Variants in RBM44 observed in about 807,000 individuals in gnomAD.
RBM44 encodes the protein RNA binding motif protein 44, also known as RNA-binding protein 44.
A neutral mutation model predicts 105.1 loss-of-function variants in RBM44; 66 were observed. The ratio of observed to expected loss-of-function variants is 0.63; its 90% CI spans 0.52 to 0.77. The LOEUF (loss-of-function observed/expected upper bound fraction) is 0.77, where lower values mean the gene tolerates loss of function less well. Among genes scored for constraint, RBM44 ranks in the 30% least tolerant of loss-of-function variants. The pLI, the probability that RBM44 is intolerant of heterozygous loss-of-function variation, is 0.00. For missense variants in RBM44, 1,122 were observed against 1,207.8 expected, an observed-to-expected ratio of 0.93 and a Z score of 1.05; for synonymous variants, 365 against 417.6, an observed-to-expected ratio of 0.87 and a Z score of 1.54.
chr2:237,838,597 A>C (rs996910517), intron 15 of RBM44, among the ~76,000 whole-genome samples: 11 of 152,194 alleles, frequency 7.2e-5, no homozygotes, highest in Admixed American at 1.3e-4. Context: ...ATTCTTACTA[A>C]ACACCTTGCA....
rs989122036 is a variant in RBM44 at position 237,842,794 on chromosome 2, A to T, written c.*978A>T. On this transcript the variant is annotated 3_prime_UTR_variant, in exon 16 of 16. Coordinates refer to ENST00000316997, the MANE Select transcript of RBM44 (RefSeq NM_001080504.3). Reference sequence around the variant, plus strand: ...TGTTGTATTTATATTTAATAAAGGCATCTAATCTTTAGTACCACTGTGAAT... The same window carrying T: ...TGTTGTATTTATATTTAATAAAGGCTTCTAATCTTTAGTACCACTGTGAAT... 6.6e-6 allele frequency: 1 copy of T among 152,090 alleles called. No homozygotes were observed. The highest frequency in any genetic ancestry group is 1.5e-5 in the Non-Finnish European group (1 of 67,966). The allele number at this position is 152,090 out of a possible 1,614,324, so 9.4% of individuals were successfully genotyped here. A position where few individuals can be genotyped will look rare whatever the true frequency, so the allele number is the denominator to read the frequency against.
chr2:237,820,938 C>A, intron 5 of RBM44, 133 bp from the exon 6 acceptor site: 1 of 612,172 alleles, frequency 1.6e-6, no homozygotes, highest in Non-Finnish European at 2.7e-6. Context: ...GTAGTCCTAG[C>A]AACTTGCGAG....
intron 15 of RBM44, among the ~76,000 whole-genome samples, chr2:237,837,121 ACTC>A (rs1000211012): frequency 6.6e-6 from 1 of 152,144 alleles, no homozygotes; most frequent in African/African-American, 2.4e-5. Flanking sequence ...GAGACCTACT[ACTC>A]AGAAAAAAAA....
intron 5 of RBM44, 139 bp downstream of exon 5, chr2:237,820,490 G>A (rs1010682525): frequency 3.7e-6 from 2 of 542,804 alleles, no homozygotes; most frequent in Non-Finnish European, 6.4e-6. Flanking sequence ...GTTAGCCTAA[G>A]GGTAATAGAA....
intron 2 of RBM44, 54 bp from the exon 3 acceptor site, chr2:237,816,939 A>G: frequency 1.8e-6 from 2 of 1,097,402 alleles, no homozygotes; most frequent in Non-Finnish European, 1.3e-6. Context: ...AGGTTTTTCT[A>G]GTGTCTAGAT....
Position 237,813,582 on chromosome 2 carries a change from C to G in RBM44, c.-18-10C>G. On this transcript the variant is annotated splice_polypyrimidine_tract_variant and intron_variant, in intron 1 of 15. Coordinates refer to ENST00000316997, the MANE Select transcript of RBM44 (RefSeq NM_001080504.3). The stretch of plus-strand genomic sequence containing the variant: ...GTATAATAATAGTTCAATATTTATA[C>G]CTTTTCTAGATTATATATCTTTGAA... 7.0e-7 allele frequency: 1 copy of G among 1,437,786 alleles called. No homozygotes were observed. The highest frequency in any genetic ancestry group is 2.3e-5 in the East Asian group (1 of 43,754). 89.1% of individuals were successfully genotyped at this position (1,437,786 alleles called of 1,614,324 possible).
intron 1 of RBM44, among the ~76,000 whole-genome samples, chr2:237,800,047 G>A (rs935427182): frequency 1.3e-5 from 2 of 152,204 alleles, no homozygotes; most frequent in East Asian, 1.9e-4. Context: ...TTAACTTTCT[G>A]AGGAAGTGCC....
Position 237,835,094 on chromosome 2 carries a change from G to A in RBM44, c.*22+671G>A, listed in dbSNP as rs552816203. 1.2e-4 allele frequency among the ~76,000 whole-genome samples: 18 copies of A among 152,170 alleles called. 1 individual carries two copies. The South Asian group carries it at 1.5e-3, about 12-fold the overall frequency. On this transcript the variant is annotated intron_variant, in intron 15 of 15. Coordinates refer to ENST00000316997, the MANE Select transcript of RBM44 (RefSeq NM_001080504.3). ...ACAACATTTCAAACTTTTTTGTGAC[G>A]CCTGTATGGTGATTGTGATCAGTGA...
chr2:237,800,144 TTGTTAC>T (rs1242915049), intron 1 of RBM44, among the ~76,000 whole-genome samples: 2 of 151,758 alleles, frequency 1.3e-5, no homozygotes, highest in East Asian at 1.9e-4. Flanking sequence ...CTCAACACTG[TTGTTAC>T]TGTTATTGTT....
intron 9 of RBM44, among the ~76,000 whole-genome samples, chr2:237,823,829 CTG>C (rs1317660845): frequency 1.3e-5 from 2 of 152,002 alleles, no homozygotes; most frequent in African/African-American, 2.4e-5. Flanking sequence ...ATTTGTATCT[CTG>C]TAAATTGTGT....
At position 237,818,676 on chromosome 2, in the gene RBM44, T is replaced by C; in HGVS notation, c.1677+80T>C. On this transcript the variant is annotated intron_variant, in intron 3 of 15. Transcript: ENST00000316997. This position sits in a 1 kb window ranked among gnomAD's most constrained non-coding sequence, Gnocchi z 4.6. ...GCTAATGTAAGTGTTTTTGGTTCGT[T>C]GAATTAAGGCTTTTGTGAGAAGATG... The C allele has an allele frequency of 1.0e-6, 1 of 984,808 alleles. No individual in the cohort carries two copies. The highest frequency in any genetic ancestry group is 1.4e-6 in the Non-Finnish European group (1 of 691,470). 61.0% of individuals were successfully genotyped at this position (984,808 alleles called of 1,614,324 possible). A position where few individuals can be genotyped will look rare whatever the true frequency, so the allele number is the denominator to read the frequency against.
In RBM44 at chr2:237,803,350, TTC is replaced by T. The variant is rs1022484451; in HGVS notation, c.-19+4496_-19+4497del. On this transcript the variant is annotated intron_variant, in intron 1 of 15. Coordinates refer to ENST00000316997, the MANE Select transcript of RBM44 (RefSeq NM_001080504.3). The surrounding 1 kb of genome is among the most constrained non-coding windows in gnomAD (Gnocchi z 4.2). The stretch of plus-strand genomic sequence containing the variant: ...TCTCTCTCACACACACACACATACT[TTC>T]TCTCTCACTCACACACACACACACA... Among the ~76,000 whole-genome samples the T allele has an allele frequency of 8.0e-5, 12 of 150,056 alleles. No homozygotes were observed. The highest frequency in any genetic ancestry group is 6.6e-4 in the Admixed American group (10 of 15,080).
At chr2:237,816,896 G>A (rs1014087777) in intron 2 of RBM44, 97 bp from the exon 3 acceptor site, 8 of 693,240 alleles carry the variant, frequency 1.2e-5, no homozygotes, top group Admixed American at 3.3e-5. Flanking sequence ...TTGTAATCCC[G>A]CATTGGGAAG....
intron 5 of RBM44, chr2:237,820,784 G>T: frequency 3.4e-6 from 1 of 295,600 alleles, no homozygotes; most frequent in South Asian, 1.2e-4. Context: ...AAGGTGGCTT[G>T]TGCCTGTAAT....
At chr2:237,805,861 G>T (rs1482225751) in intron 1 of RBM44, among the ~76,000 whole-genome samples, 2 of 151,964 alleles carry the variant, frequency 1.3e-5, no homozygotes, top group Non-Finnish European at 2.9e-5. Flanking sequence ...GCTACTCAAG[G>T]GGGTAGGTGG....
At chr2:237,826,182 T>C (rs1378558317) in intron 10 of RBM44, among the ~76,000 whole-genome samples, 1 of 152,048 alleles carries the variant, frequency 6.6e-6, no homozygotes, top group Non-Finnish European at 1.5e-5. Context: ...AAAAATAAAA[T>C]TTCCACATCT....
rs1478046436 is a variant in RBM44, at chr2:237,817,532, C to G, written c.613C>G (p.Gln205Glu). ...EYISNHLSFDQTKALDISNPE... is the reference protein window; with the variant it reads ...EYISNHLSFDETKALDISNPE... ...CATAAGTAACCATTTATCTTTTGAC[C>G]AAACAAAAGCATTAGATATATCTAA... The change falls in exon 3 of 16, where the codon CAA becomes GAA. Residue 205 changes from glutamine to glutamate, a missense_variant. Physicochemically the swap from Gln to Glu is conservative, Grantham distance 29. This residue lies in a region of RBM44 where 918 missense variants were observed against 955.3 expected (regional missense o/e 0.96). Coordinates refer to ENST00000316997, the MANE Select transcript of RBM44 (RefSeq NM_001080504.3). 1 of 1,609,690 alleles carries G rather than the reference C, an allele frequency of 6.2e-7. No homozygotes were observed.
chr2:237,828,912 C>T (rs1371186319), intron 12 of RBM44, among the ~76,000 whole-genome samples: 2 of 151,240 alleles, frequency 1.3e-5, no homozygotes, highest in African/African-American at 4.8e-5. Flanking sequence ...TGTCCCCAGA[C>T]CACTAATCTC....
intron 13 of RBM44, among the ~76,000 whole-genome samples, chr2:237,830,293 A>C (rs1469693300): frequency 6.6e-6 from 1 of 151,992 alleles, no homozygotes; most frequent in East Asian, 1.9e-4. Context: ...TGTTGTGTCC[A>C]TTTTTATTCA....
Sources: gnomAD v4.1 joint callset for allele counts (sites outside exome capture counted in the v4.1 genomes callset) on GRCh38, gnomAD v4.1.1 for gene constraint, gnomAD v4.1.1 regional missense constraint, Gnocchi (gnomAD v3.1) non-coding constraint, MANE v1.5 for transcripts, NCBI Gene and HGNC (gene_info 2026-07-23, HGNC 2026-07-21) for gene names.